Variants in RAMP3 observed in about 807,000 individuals in gnomAD.
RAMP3 encodes receptor activity modifying protein 3.
In RAMP3, 14 loss-of-function variants were observed where a neutral mutation model predicts 13.5. The ratio of observed to expected loss-of-function variants is 1.04; its 90% CI spans 0.69 to 1.63. RAMP3 has a LOEUF of 1.63. Ranked by LOEUF, RAMP3 falls within the 40% of genes most tolerant of loss-of-function variation. RAMP3 has a pLI of 0.00. For synonymous variants in RAMP3, 106 were observed against 88.3 expected (o/e 1.20, Z -1.12); for missense variants, 200 against 204.8 (o/e 0.98, Z 0.14).
chr7:45,181,995 G>A (rs1488254851), intron 2 of RAMP3, among the ~76,000 whole-genome samples: 4 of 152,174 alleles, frequency 2.6e-5, no homozygotes, highest in Non-Finnish European at 4.4e-5. Context: ...CCTGGGGCAT[G>A]GGGTTGGGAG....
At chr7:45,163,308 G>T in intron 1 of RAMP3, 2 of 985,420 alleles carry the variant, frequency 2.0e-6, no homozygotes, top group East Asian at 1.1e-4. Context: ...ATGAATGGTG[G>T]TCCCTACCAG....
chr7:45,178,616 G>A (rs1786240512), intron 2 of RAMP3, among the ~76,000 whole-genome samples: 1 of 152,244 alleles, frequency 6.6e-6, no homozygotes, highest in Non-Finnish European at 1.5e-5. Flanking sequence ...TGCTGGGAAG[G>A]GGTGCTGGGA....
chr7:45,158,567 AAGAGAG>A (rs71030853), intron 1 of RAMP3, among the ~76,000 whole-genome samples: 3 of 150,526 alleles, frequency 2.0e-5, no homozygotes, highest in South Asian at 4.2e-4. Context: ...AAGAAAAAGT[AAGAGAG>A]AGAGAGAGAG....
rs1002167510 is a variant in RAMP3 at position 45,183,708 on chromosome 7, G to T, written c.*296G>T. On this transcript the variant is annotated 3_prime_UTR_variant, in exon 3 of 3. Transcript: ENST00000242249. ...AATCACCTGCTGCATCCTGTGCTCC[G>T]CAGGCTGGGCCGGAGCCTCTGCCCG... 2.6e-5 allele frequency: 15 copies of T among 577,964 alleles called. No individual in the cohort carries two copies. The African/African-American group carries it at 2.8e-4, about 11-fold the overall frequency. The allele number at this position is 577,964 out of a possible 1,614,324, so 35.8% of individuals were successfully genotyped here.
At chr7:45,158,663 G>A (rs1195260648) in intron 1 of RAMP3, among the ~76,000 whole-genome samples, 1 of 136,348 alleles carries the variant, frequency 7.3e-6, no homozygotes, top group East Asian at 1.9e-4. Flanking sequence ...AGCCTGGCCA[G>A]TTCTGGGGGG....
At chr7:45,181,351 C>T (rs1428266019) in intron 2 of RAMP3, among the ~76,000 whole-genome samples, 3 of 152,234 alleles carry the variant, frequency 2.0e-5, no homozygotes, top group African/African-American at 7.2e-5. Flanking sequence ...GGTTTGGGAA[C>T]AGCAGGGGCT....
Position 45,183,080 on chromosome 7 carries a change from A to C in RAMP3, c.192-77A>C, listed in dbSNP as rs904015777. ...GGACTGTACCCAAGCCACCCCACCC[A>C]TCTTCCTGGCCTCAGGTCAGGGCAG... On this transcript the variant is annotated intron_variant, in intron 2 of 2. Transcript: ENST00000242249. 10 of 1,573,534 alleles carry C rather than the reference A, an allele frequency of 6.4e-6. No homozygotes were observed. The Admixed American group carries it at 6.8e-5, about 11-fold the overall frequency.
At chr7:45,174,506 G>A (rs1786141422) in intron 1 of RAMP3, among the ~76,000 whole-genome samples, 1 of 152,126 alleles carries the variant, frequency 6.6e-6, no homozygotes, top group Non-Finnish European at 1.5e-5. Context: ...CTGCTACCCG[G>A]GCAGCTCAAG....
chr7:45,165,667 C>T lies in RAMP3; in HGVS notation c.58+7781C>T, dbSNP rs78441316. On this transcript the variant is annotated intron_variant, in intron 1 of 2. Coordinates refer to ENST00000242249, the MANE Select transcript of RAMP3 (RefSeq NM_005856.3). ...ACGTTGTTGTCACCACAAAAATAAA[C>T]CCCCTACCCATTAGCAGTCACTCCC... Among the ~76,000 whole-genome samples, 612 of 152,290 alleles carry T rather than the reference C, an allele frequency of 4.0e-3. 3 individuals carry two copies. Among genetic ancestry groups the T allele is most frequent in the African/African-American group, 0.014 (568 of 41,558 alleles).
chr7:45,179,830 A>C (rs1242188701), intron 2 of RAMP3, among the ~76,000 whole-genome samples: 1 of 152,196 alleles, frequency 6.6e-6, no homozygotes, highest in Non-Finnish European at 1.5e-5. Context: ...GGACCCTGGA[A>C]TATCAGAGCT....
At chr7:45,173,672 C>T (rs1478503099) in intron 1 of RAMP3, among the ~76,000 whole-genome samples, 1 of 40,172 alleles carries the variant, frequency 2.5e-5, no homozygotes. Flanking sequence ...CAGCATGGAG[C>T]TGACTGCCCA....
At chr7:45,171,388 TCAGGTGAC>T (rs1238196621) in intron 1 of RAMP3, among the ~76,000 whole-genome samples, 2 of 152,142 alleles carry the variant, frequency 1.3e-5, no homozygotes, top group Non-Finnish European at 2.9e-5. Flanking sequence ...ACTCTGGATC[TCAGGTGAC>T]CTGCCCACCT....
At chr7:45,168,527 AT>A (rs763141554) in intron 1 of RAMP3, among the ~76,000 whole-genome samples, 6 of 151,546 alleles carry the variant, frequency 4.0e-5, no homozygotes, top group Non-Finnish European at 5.9e-5. Context: ...TTGTATTGGA[AT>A]TGGAATTGTT....
intron 1 of RAMP3, among the ~76,000 whole-genome samples, chr7:45,165,676 C>T (rs558969287): frequency 2.0e-5 from 3 of 152,282 alleles, no homozygotes; most frequent in African/African-American, 7.2e-5. Flanking sequence ...ACCCCCTACC[C>T]ATTAGCAGTC....
chr7:45,164,096 C>A (rs1785914807), intron 1 of RAMP3, among the ~76,000 whole-genome samples: 1 of 152,224 alleles, frequency 6.6e-6, no homozygotes, highest in Non-Finnish European at 1.5e-5. Context: ...TTCCTTTACA[C>A]CCACAATGGT....
chr7:45,180,913 C>T (rs955797198), intron 2 of RAMP3, among the ~76,000 whole-genome samples: 4 of 152,158 alleles, frequency 2.6e-5, no homozygotes, highest in Admixed American at 6.5e-5. Context: ...AAGTAGTTCC[C>T]GGTTTTCTAG....
chr7:45,176,086 T>A (rs943085448), intron 1 of RAMP3, among the ~76,000 whole-genome samples: 1 of 152,152 alleles, frequency 6.6e-6, no homozygotes, highest in Non-Finnish European at 1.5e-5. Flanking sequence ...GAATGATACG[T>A]TCCTGGAGGT....
At chr7:45,168,779 T>C (rs942252079) in intron 1 of RAMP3, among the ~76,000 whole-genome samples, 3 of 152,228 alleles carry the variant, frequency 2.0e-5, no homozygotes, top group African/African-American at 7.2e-5. Context: ...ACTTCTTGCT[T>C]AATTGCTCTG....
rs1786374031 is a variant in RAMP3, at chr7:45,183,955, G to A, written c.*543G>A. ...GAGCCCTCCTGGTGGGAAGACAGCTGGAAAGGCTGGGAGGAGAAGGGAGGG... is the reference window on the plus strand; with the variant it reads ...GAGCCCTCCTGGTGGGAAGACAGCTAGAAAGGCTGGGAGGAGAAGGGAGGG... On this transcript the variant is annotated 3_prime_UTR_variant, in exon 3 of 3. Coordinates refer to ENST00000242249, the MANE Select transcript of RAMP3 (RefSeq NM_005856.3). The A allele has an allele frequency of 4.8e-6, 2 of 415,348 alleles. No homozygotes were observed. Among genetic ancestry groups the A allele is most frequent in the Non-Finnish European group, 8.5e-6 (2 of 234,852 alleles). 25.7% of individuals were successfully genotyped at this position (415,348 alleles called of 1,614,324 possible). A position where few individuals can be genotyped will look rare whatever the true frequency, so the allele number is the denominator to read the frequency against.
Sources: gnomAD v4.1 joint callset for allele counts (sites outside exome capture counted in the v4.1 genomes callset) on GRCh38, gnomAD v4.1.1 for gene constraint, MANE v1.5 for transcripts, NCBI Gene and HGNC (gene_info 2026-07-23, HGNC 2026-07-21) for gene names.